The following BAG4 variants were observed in gnomAD, a reference collection of about 807,000 sequenced individuals.
BAG4 encodes the protein BAG family molecular chaperone regulator 4.
BAG4 carries 28 observed loss-of-function variants against 52.1 expected under a neutral mutation model. The observed-to-expected ratio is 0.54, with a 90% CI of 0.40 to 0.74. The LOEUF is 0.74. Ranked by LOEUF, BAG4 falls within the 30% of genes least tolerant of loss-of-function variation. The pLI is 0.00. For missense variants in BAG4, 525 were observed against 572.0 expected, an observed-to-expected ratio of 0.92 and a Z score of 0.84; for synonymous variants, 208 against 217.0, an observed-to-expected ratio of 0.96 and a Z score of 0.37.
intron 1 of BAG4, among the ~76,000 whole-genome samples, chr8:38,184,824 C>G (rs1803337094): frequency 6.6e-6 from 1 of 152,154 alleles, no homozygotes. Context: ...GGCGCAGTGG[C>G]TCACGCCTAT....
chr8:38,201,856 ATATATATATATATATATATATATATTTT>A (rs1803671681), intron 2 of BAG4: 1 of 25,102 alleles, frequency 4.0e-5, no homozygotes, highest in African/African-American at 2.7e-4. Flanking sequence ...ATATATATAT[ATATATATATATATATATATATATATTTT>A]TTTTTTTTTT....
At position 38,208,222 on chromosome 8, in the gene BAG4, C is replaced by G. The variant is rs527747601; in HGVS notation, c.633+456C>G. 3.4e-5 allele frequency among the ~76,000 whole-genome samples: 5 copies of G among 146,848 alleles called. No homozygotes were observed. In the South Asian group the frequency reaches 1.1e-3, roughly 32 times the overall value. On this transcript the variant is annotated intron_variant, in intron 3 of 4. Transcript: ENST00000287322. ...GATCTCCTGACCTCGTGATCTGCCC[C>G]CCTCGGCCTCCCAAAGTGCTGGGAT...
chr8:38,182,480 G>T (rs577212588), intron 1 of BAG4, among the ~76,000 whole-genome samples: 42 of 152,260 alleles, frequency 2.8e-4, no homozygotes, highest in African/African-American at 8.2e-4. Flanking sequence ...TTATTTCTCA[G>T]AAGAAAGGAA....
At chr8:38,199,546 C>G (rs1395980086) in intron 2 of BAG4, among the ~76,000 whole-genome samples, 1 of 145,236 alleles carries the variant, frequency 6.9e-6, no homozygotes, top group African/African-American at 2.6e-5. Flanking sequence ...TTTTTTGAGG[C>G]AGAGTCTCGC....
intron 2 of BAG4, among the ~76,000 whole-genome samples, chr8:38,201,379 A>G (rs1319101422): frequency 6.6e-6 from 1 of 152,134 alleles, no homozygotes; most frequent in Non-Finnish European, 1.5e-5. Context: ...TGGCATAATC[A>G]TAGATCACTG....
At chr8:38,177,225 C>T (rs770294154) in intron 1 of BAG4, 86 bp downstream of exon 1, 3 of 1,544,416 alleles carry the variant, frequency 1.9e-6, no homozygotes, top group Non-Finnish European at 2.6e-6. Flanking sequence ...TACTTGTTTT[C>T]CTTATGTGGA....
chr8:38,196,449 T>C (rs762147140), intron 2 of BAG4, among the ~76,000 whole-genome samples: 8 of 151,594 alleles, frequency 5.3e-5, no homozygotes, highest in Non-Finnish European at 1.2e-4. Context: ...GTCAGGAGAT[T>C]GAGACCATCC....
Position 38,210,226 on chromosome 8 carries a change from T to C in BAG4, c.1107T>C (p.Cys369=). Residue 369 remains cysteine (C), a synonymous_variant, in exon 5 of 5, where the codon TGT becomes TGC. Coordinates refer to ENST00000287322, the MANE Select transcript of BAG4 (RefSeq NM_004874.4). ...AAAGTAGCAGTCTTCCTGAAGAATG[T>C]GTACCTTCAGATGAAAGTACTCCTC... ...QDQSSSLPEE[C]VPSDESTPPS... is the part of the protein sequence containing the mutation. 5.6e-6 allele frequency: 9 copies of C among 1,614,184 alleles called. No homozygotes were observed. Among genetic ancestry groups the C allele is most frequent in the East Asian group, 2.2e-5 (1 of 44,886 alleles).
intron 4 of BAG4, among the ~76,000 whole-genome samples, 162 bp from the exon 5 acceptor site, chr8:38,209,846 T>A (rs1026362538): frequency 2.0e-5 from 3 of 150,336 alleles, no homozygotes; most frequent in African/African-American, 7.6e-5. Flanking sequence ...TTCTTAGGAC[T>A]GTGTTTTTTT....
intron 2 of BAG4, among the ~76,000 whole-genome samples, chr8:38,199,530 T>C (rs553670901): frequency 3.6e-4 from 54 of 151,754 alleles, no homozygotes; most frequent in African/African-American, 1.1e-3. Flanking sequence ...TGATTTCTTT[T>C]TTTTTTTTTT....
Position 38,209,396 on chromosome 8 carries a change from T to C in BAG4, c.888+129T>C, listed in dbSNP as rs2130693534. ...CAAAAAGTTGGTGACTACTTATCTA[T>C]AGCTTTACCTCAGCTCGGTTTCCTT... On this transcript the variant is annotated intron_variant, in intron 4 of 4. Transcript: ENST00000287322. The C allele has an allele frequency of 2.4e-6, 3 of 1,228,904 alleles. No homozygotes were observed. In the East Asian group the frequency reaches 7.4e-5, roughly 30 times the overall value. The allele number at this position is 1,228,904 out of a possible 1,614,324, so 76.1% of individuals were successfully genotyped here.
intron 1 of BAG4, among the ~76,000 whole-genome samples, chr8:38,183,245 C>T (rs1563279305): frequency 6.6e-6 from 1 of 151,898 alleles, no homozygotes; most frequent in Admixed American, 6.6e-5. Context: ...GATGGGGTTT[C>T]ACCATGTTAG....
In BAG4 at chr8:38,210,306, A is replaced by G. The variant is rs773393692; in HGVS notation, c.1187A>G (p.Glu396Gly). Residue 396 changes from glutamate (E) to glycine (G), a missense_variant, in exon 5 of 5, where the codon GAA (glutamate) becomes GGA (glycine). Glu to Gly is a moderately conservative substitution (Grantham distance 98). Transcript: ENST00000287322. ...GAGAAGGTCCAGTATCTTGAACAAG[A>G]AGTAGAAGAATTTGTAGGAAAAAAG... ...VLEKVQYLEQEVEEFVGKKTD... is the reference protein window; with the variant it reads ...VLEKVQYLEQGVEEFVGKKTD... 2 of 1,614,192 alleles carry G rather than the reference A, an allele frequency of 1.2e-6. No individual in the cohort carries two copies. Among genetic ancestry groups the G allele is most frequent in the Non-Finnish European group, 1.7e-6 (2 of 1,180,032 alleles).
chr8:38,201,843 TATATATA>T, intron 2 of BAG4: 2 of 8,262 alleles, frequency 2.4e-4, no homozygotes, highest in Non-Finnish European at 4.4e-4. Context: ...TTTATATATA[TATATATA>T]TATATATATA....
intron 2 of BAG4, among the ~76,000 whole-genome samples, chr8:38,193,419 A>T (rs1157969127): frequency 6.6e-6 from 1 of 152,078 alleles, no homozygotes; most frequent in Non-Finnish European, 1.5e-5. Flanking sequence ...CTCCGTCTCA[A>T]AACAAAAAAC....
intron 2 of BAG4, among the ~76,000 whole-genome samples, chr8:38,198,181 G>A (rs1322202422): frequency 1.3e-5 from 2 of 151,298 alleles, no homozygotes; most frequent in African/African-American, 2.4e-5. Flanking sequence ...TCAGGAAATC[G>A]AGACCATCCT....
chr8:38,212,470 C>T lies in BAG4; in HGVS notation c.*1977C>T, dbSNP rs1383000335. On this transcript the variant is annotated 3_prime_UTR_variant, in exon 5 of 5. Transcript: ENST00000287322. ...ACCTTGCCCTTATGTTAACATCTTA[C>T]GTAACAATAGAACATTTGTCAAAAT... is the stretch of plus-strand genomic sequence containing the variant. 6.6e-6 allele frequency: 1 copy of T among 152,094 alleles called. No individual in the cohort carries two copies. The highest frequency in any genetic ancestry group is 1.5e-5 in the Non-Finnish European group (1 of 68,016). The allele number at this position is 152,094 out of a possible 1,614,324, so 9.4% of individuals were successfully genotyped here. A position where few individuals can be genotyped will look rare whatever the true frequency, so the allele number is the denominator to read the frequency against.
At chr8:38,199,476 C>T (rs1231840307) in intron 2 of BAG4, among the ~76,000 whole-genome samples, 2 of 150,992 alleles carry the variant, frequency 1.3e-5, no homozygotes, top group African/African-American at 4.9e-5. Context: ...ATGTCTTATC[C>T]AAGAAGACTT....
Position 38,208,950 on chromosome 8 carries a change from T to C in BAG4, c.634-63T>C, listed in dbSNP as rs1803821080. The stretch of plus-strand genomic sequence containing the variant: ...GAGGAAGCATCTCAGAATCTGCCTG[T>C]AGCAGAATATTTTTATTATAAGTTT... On this transcript the variant is annotated intron_variant, in intron 3 of 4. Coordinates refer to ENST00000287322, the MANE Select transcript of BAG4 (RefSeq NM_004874.4). The C allele has an allele frequency of 1.9e-6, 3 of 1,538,974 alleles. No individual in the cohort carries two copies. In the African/African-American group the frequency reaches 4.1e-5, roughly 21 times the overall value.
Sources: allele counts gnomAD v4.1 joint callset (sites outside exome capture counted in the v4.1 genomes callset), GRCh38; gene constraint gnomAD v4.1.1; transcripts MANE v1.5; gene names NCBI Gene and HGNC (gene_info 2026-07-23, HGNC 2026-07-21).